The following AKAP13 variants were observed in gnomAD, a reference collection of about 807,000 sequenced individuals.
AKAP13 encodes A-kinase anchoring protein 13, also known as A-kinase anchor protein 13.
Under a neutral mutation model 264.5 loss-of-function variants are expected in AKAP13, and 80 were observed. The observed-to-expected ratio is 0.30, with a 90% CI of 0.25 to 0.36. The LOEUF is 0.36. Ranked by LOEUF, AKAP13 falls within the 10% of genes least tolerant of loss-of-function variation. The probability of loss-of-function intolerance (pLI) is 1.00; values close to 1 mark genes in which losing one functional copy is unlikely to be tolerated. For missense variants in AKAP13, 3,712 were observed against 3,435.2 expected (o/e 1.08, Z -2.01); for synonymous variants, 1,380 against 1,250.2 (o/e 1.10, Z -2.19).
intron 5 of AKAP13, among the ~76,000 whole-genome samples, chr15:85,546,342 A>ACACACG (rs2077742913): frequency 6.6e-6 from 1 of 151,908 alleles, no homozygotes; most frequent in Non-Finnish European, 1.5e-5. Context: ...ACACACACAC[A>ACACACG]CACACACACA....
At chr15:85,624,847 T>C (rs2151429565) in intron 8 of AKAP13, among the ~76,000 whole-genome samples, 1 of 152,290 alleles carries the variant, frequency 6.6e-6, no homozygotes, top group Middle Eastern at 3.4e-3. Context: ...GTGGGTGTGG[T>C]TTAGGGATAA....
chr15:85,435,966 A>G (rs1232786684), intron 1 of AKAP13, among the ~76,000 whole-genome samples: 3 of 144,932 alleles, frequency 2.1e-5, no homozygotes, highest in Non-Finnish European at 3.1e-5. Context: ...ACACATAACA[A>G]TATTAACTTT....
Position 85,736,139 on chromosome 15 carries a change from G to A in AKAP13, c.7557+5G>A, listed in dbSNP as rs2088468704. ...ATGCTTAAAAGAAACAGTGAGGTAA[G>A]GACATTATGAACTATTTAAGAAAAT... is the stretch of plus-strand genomic sequence containing the variant. On this transcript the variant is annotated splice_donor_5th_base_variant and intron_variant, in intron 33 of 36. Transcript: ENST00000394518. 1 of 1,601,148 alleles carries A rather than the reference G, an allele frequency of 6.2e-7. No individual in the cohort carries two copies. The highest frequency in any genetic ancestry group is 1.3e-5 in the African/African-American group (1 of 74,538).
chr15:85,595,248 A>T (rs1437511273), intron 8 of AKAP13, among the ~76,000 whole-genome samples: 5 of 152,006 alleles, frequency 3.3e-5, no homozygotes, highest in African/African-American at 1.2e-4. Flanking sequence ...CACAGGTGCG[A>T]GCCACCACAC....
chr15:85,488,965 A>G (rs2075650734), intron 2 of AKAP13, among the ~76,000 whole-genome samples: 1 of 152,232 alleles, frequency 6.6e-6, no homozygotes, highest in African/African-American at 2.4e-5. Context: ...TTAGTGATAA[A>G]GGATACTTGG....
At chr15:85,439,519 A>C (rs1302935928) in intron 1 of AKAP13, among the ~76,000 whole-genome samples, 1 of 151,052 alleles carries the variant, frequency 6.6e-6, no homozygotes, top group South Asian at 2.1e-4. Flanking sequence ...ACACATGCAC[A>C]CGTATGTTTA....
chr15:85,443,404 A>G (rs761530519), intron 1 of AKAP13, among the ~76,000 whole-genome samples: 4 of 152,172 alleles, frequency 2.6e-5, no homozygotes, highest in Non-Finnish European at 5.9e-5. Flanking sequence ...GTATTAACTA[A>G]TTACTAGCTG....
chr15:85,419,455 A>C (rs2072408976), intron 1 of AKAP13, among the ~76,000 whole-genome samples: 1 of 152,236 alleles, frequency 6.6e-6, no homozygotes, highest in South Asian at 2.1e-4. Context: ...CATTCTGGAA[A>C]ACAATTGTAT....
At chr15:85,391,576 C>A (rs2070858067) in intron 1 of AKAP13, among the ~76,000 whole-genome samples, 1 of 150,370 alleles carries the variant, frequency 6.7e-6, no homozygotes, top group African/African-American at 2.5e-5. Context: ...CCTCTCCCTT[C>A]TGGGCTCAAG....
At chr15:85,461,439 C>T (rs541443359) in intron 1 of AKAP13, among the ~76,000 whole-genome samples, 14 of 152,092 alleles carry the variant, frequency 9.2e-5, no homozygotes, top group African/African-American at 3.1e-4. Flanking sequence ...TCTCTATCCT[C>T]AGAACTTTGC....
chr15:85,427,348 A>G (rs2072840479), intron 1 of AKAP13, among the ~76,000 whole-genome samples: 1 of 151,458 alleles, frequency 6.6e-6, no homozygotes, highest in African/African-American at 2.4e-5. Flanking sequence ...AATAAACAAC[A>G]CTAGTTACTA....
At chr15:85,526,024 T>A (rs1434727356) in intron 3 of AKAP13, among the ~76,000 whole-genome samples, 1 of 152,242 alleles carries the variant, frequency 6.6e-6, no homozygotes, top group African/African-American at 2.4e-5. Context: ...GCAAGAGTTC[T>A]TGTTTGAAGA....
chr15:85,448,739 C>G (rs983728927), intron 1 of AKAP13, among the ~76,000 whole-genome samples: 9 of 152,020 alleles, frequency 5.9e-5, no homozygotes, highest in African/African-American at 1.9e-4. Context: ...CTGTTTTGTA[C>G]CAGTACCATG....
chr15:85,748,843 G>C lies in AKAP13; in HGVS notation c.*4166G>C, dbSNP rs1409717991. On this transcript the variant is annotated 3_prime_UTR_variant, in exon 37 of 37. Coordinates refer to ENST00000394518, the MANE Select transcript of AKAP13 (RefSeq NM_007200.5). ...ACCAGGTGGGACCACCTGTGCTGCA[G>C]TCCGGAGGGGCTTCTGCAGGAAGCA... 1 of 152,348 alleles carries C rather than the reference G, an allele frequency of 6.6e-6. No homozygotes were observed. Among genetic ancestry groups the C allele is most frequent in the South Asian group, 2.1e-4 (1 of 4,830 alleles). 9.4% of individuals were successfully genotyped at this position (152,348 alleles called of 1,614,324 possible). A position where few individuals can be genotyped will look rare whatever the true frequency, so the allele number is the denominator to read the frequency against.
chr15:85,634,208 C>T (rs2081980001), intron 8 of AKAP13, among the ~76,000 whole-genome samples: 1 of 124,086 alleles, frequency 8.1e-6, no homozygotes, highest in Non-Finnish European at 1.7e-5. Context: ...TAATTCCTTT[C>T]ATTCATTTTA....
intron 19 of AKAP13, among the ~76,000 whole-genome samples, chr15:85,712,589 G>A (rs1443269144): frequency 6.6e-6 from 1 of 151,768 alleles, no homozygotes; most frequent in African/African-American, 2.4e-5. Flanking sequence ...TGTCACCCAG[G>A]CTGGAGTGCA....
intron 1 of AKAP13, among the ~76,000 whole-genome samples, chr15:85,444,614 C>T (rs1363417706): frequency 1.3e-5 from 2 of 152,060 alleles, no homozygotes. Flanking sequence ...CCAAAAAACT[C>T]AATGTAATCT....
At chr15:85,713,299 C>T (rs950152260) in intron 19 of AKAP13, among the ~76,000 whole-genome samples, 18 of 152,178 alleles carry the variant, frequency 1.2e-4, no homozygotes, top group African/African-American at 4.1e-4. Flanking sequence ...CTTCTACCTG[C>T]TTCATCTTCT....
intron 8 of AKAP13, among the ~76,000 whole-genome samples, chr15:85,606,697 G>C (rs2080364590): frequency 1.3e-5 from 2 of 152,226 alleles, no homozygotes; most frequent in Admixed American, 6.5e-5. Context: ...GACTTTTCCG[G>C]TTTTGCCTAG....
Sources: gnomAD v4.1 joint callset for allele counts (sites outside exome capture counted in the v4.1 genomes callset) on GRCh38, gnomAD v4.1.1 for gene constraint, MANE v1.5 for transcripts, NCBI Gene and HGNC (gene_info 2026-07-23, HGNC 2026-07-21) for gene names.